PEX14: variants seen among roughly 807,000 people sequenced by gnomAD.
PEX14 encodes the protein peroxisomal biogenesis factor 14.
In PEX14, 15 loss-of-function variants were observed where a neutral mutation model predicts 49.5. The observed-to-expected ratio is 0.30, with a 90% CI of 0.20 to 0.47. PEX14 has a LOEUF of 0.47. Among genes scored for constraint, PEX14 ranks in the 20% least tolerant of loss-of-function variants. PEX14 has a pLI of 1.00. For missense variants in PEX14, 398 were observed against 494.8 expected (o/e 0.80, Z 1.86); for synonymous variants, 210 against 212.7 (o/e 0.99, Z 0.11).
intron 3 of PEX14, among the ~76,000 whole-genome samples, chr1:10,554,303 C>A (rs200747915): frequency 3.6e-3 from 436 of 121,746 alleles, no homozygotes; most frequent in Non-Finnish European, 4.2e-3. Flanking sequence ...GACTCCGTCT[C>A]AAAAAAAAAA....
intron 2 of PEX14, chr1:10,535,955 C>T (rs1166372324): frequency 6.5e-6 from 3 of 460,830 alleles, no homozygotes. Flanking sequence ...TCAGGAGGAA[C>T]AGGAAGGATC....
chr1:10,521,382 C>T (rs941586624), intron 2 of PEX14, among the ~76,000 whole-genome samples: 2 of 152,152 alleles, frequency 1.3e-5, no homozygotes, highest in Non-Finnish European at 2.9e-5. Flanking sequence ...TCTGGCTGCT[C>T]TAAGATGATG....
At chr1:10,542,619 G>A (rs1199569844) in intron 3 of PEX14, among the ~76,000 whole-genome samples, 1 of 152,138 alleles carries the variant, frequency 6.6e-6, no homozygotes, top group Non-Finnish European at 1.5e-5. Context: ...AAATTAGCTC[G>A]GCGTGGTGGT....
chr1:10,603,569 GAGA>G (rs986490732), intron 4 of PEX14, among the ~76,000 whole-genome samples: 4 of 152,142 alleles, frequency 2.6e-5, no homozygotes, highest in Non-Finnish European at 4.4e-5. Context: ...TGTGATTCGA[GAGA>G]AGATTTGAAA....
At chr1:10,543,737 G>T (rs2124496329) in intron 3 of PEX14, among the ~76,000 whole-genome samples, 1 of 152,256 alleles carries the variant, frequency 6.6e-6, no homozygotes, top group South Asian at 2.1e-4. Flanking sequence ...CTCCCGAGTA[G>T]CTGGGACTAC....
intron 1 of PEX14, among the ~76,000 whole-genome samples, chr1:10,491,669 TG>T (rs1393717971): frequency 7.0e-6 from 1 of 142,092 alleles, no homozygotes; most frequent in African/African-American, 2.6e-5. Flanking sequence ...CACTTGGCCA[TG>T]CTCCTTTTTT....
intron 1 of PEX14, among the ~76,000 whole-genome samples, chr1:10,486,689 CTT>C (rs34311886): frequency 6.6e-5 from 9 of 135,434 alleles, no homozygotes; most frequent in Non-Finnish European, 3.1e-5. Context: ...GACTCTGTCT[CTT>C]TTTTTTTTTT....
At chr1:10,566,095 C>T (rs1352659799) in intron 3 of PEX14, among the ~76,000 whole-genome samples, 2 of 152,262 alleles carry the variant, frequency 1.3e-5, no homozygotes, top group Non-Finnish European at 2.9e-5. Flanking sequence ...CTTGGACTCT[C>T]AAGTCTTGGT....
intron 3 of PEX14, among the ~76,000 whole-genome samples, chr1:10,562,956 G>C (rs892707652): frequency 5.4e-5 from 8 of 147,678 alleles, no homozygotes; most frequent in African/African-American, 2.0e-4. Flanking sequence ...CTGTCGCCCA[G>C]GGTGGAGTGC....
intron 2 of PEX14, among the ~76,000 whole-genome samples, chr1:10,527,208 T>A: frequency 1.5e-5 from 1 of 67,046 alleles, no homozygotes; most frequent in Admixed American, 1.8e-4. Context: ...TGAGACTCTG[T>A]CTCAAAAAAA....
At chr1:10,547,149 C>T (rs1639200767) in intron 3 of PEX14, among the ~76,000 whole-genome samples, 1 of 152,168 alleles carries the variant, frequency 6.6e-6, no homozygotes, top group Admixed American at 6.5e-5. Context: ...TGTGTGACAC[C>T]TGGAAAAGCA....
intron 1 of PEX14, among the ~76,000 whole-genome samples, chr1:10,492,250 C>T (rs1641486587): frequency 6.6e-6 from 1 of 152,134 alleles, no homozygotes; most frequent in Non-Finnish European, 1.5e-5. Context: ...ATTTTAAGAG[C>T]AGTTCCTTGG....
chr1:10,556,359 G>A (rs930555255), intron 3 of PEX14, among the ~76,000 whole-genome samples: 1 of 152,124 alleles, frequency 6.6e-6, no homozygotes, highest in Non-Finnish European at 1.5e-5. Flanking sequence ...ATGCACATCC[G>A]TCCCTGTACC....
chr1:10,521,716 T>TC (rs995128955), intron 2 of PEX14, among the ~76,000 whole-genome samples: 2 of 152,296 alleles, frequency 1.3e-5, no homozygotes, highest in East Asian at 1.9e-4. Flanking sequence ...TTGACTTTTT[T>TC]CCCCCCTAAG....
At chr1:10,543,363 T>C (rs1639074742) in intron 3 of PEX14, among the ~76,000 whole-genome samples, 1 of 152,128 alleles carries the variant, frequency 6.6e-6, no homozygotes, top group Non-Finnish European at 1.5e-5. Flanking sequence ...CTTGAACTCC[T>C]GATCTCATGA....
intron 3 of PEX14, among the ~76,000 whole-genome samples, chr1:10,591,635 CTGTGTGTGTGTG>C (rs61635531): frequency 3.0e-4 from 42 of 139,740 alleles, no homozygotes; most frequent in South Asian, 5.0e-4. Context: ...GGTATACACA[CTGTGTGTGTGTG>C]TGTGTGTGTG....
At chr1:10,608,732 A>T (rs1233241914) in intron 4 of PEX14, among the ~76,000 whole-genome samples, 1 of 148,056 alleles carries the variant, frequency 6.8e-6, no homozygotes, top group East Asian at 2.0e-4. Flanking sequence ...TTCCTCTTTT[A>T]AAAAAAAATA....
chr1:10,557,315 A>G (rs1002777824), intron 3 of PEX14, among the ~76,000 whole-genome samples: 10 of 152,092 alleles, frequency 6.6e-5, no homozygotes, highest in Admixed American at 2.6e-4. Context: ...GCTGGGTGCA[A>G]TGGCTCACGC....
chr1:10,610,488 C>CT (rs1318793982), intron 4 of PEX14, among the ~76,000 whole-genome samples: 76 of 143,448 alleles, frequency 5.3e-4, no homozygotes, highest in Non-Finnish European at 6.6e-4. Flanking sequence ...TTTCGTTTTT[C>CT]TTTTTTTTTT....
Sources: allele counts gnomAD v4.1 joint callset (sites outside exome capture counted in the v4.1 genomes callset), GRCh38; gene constraint gnomAD v4.1.1; transcripts MANE v1.5; gene names NCBI Gene and HGNC (gene_info 2026-07-23, HGNC 2026-07-21).